The following ATE1 variants were observed in gnomAD, a reference collection of about 807,000 sequenced individuals.
ATE1 encodes arginyltransferase 1, also known as arginyl-tRNA--protein transferase 1.
In ATE1, 36 loss-of-function variants were observed where a neutral mutation model predicts 70.5. The observed-to-expected ratio is 0.51, with a 90% confidence interval of 0.39 to 0.67. The LOEUF (loss-of-function observed/expected upper bound fraction) is 0.67, where lower values mean the gene tolerates loss of function less well. Ranked by LOEUF, ATE1 falls within the 30% of genes least tolerant of loss-of-function variation. The pLI is 0.00. For missense variants in ATE1, 593 were observed against 629.5 expected (o/e 0.94, Z 0.62); for synonymous variants, 232 against 219.3 (o/e 1.06, Z -0.51).
intron 8 of ATE1, among the ~76,000 whole-genome samples, chr10:121,864,381 C>G (rs1949585535): frequency 6.6e-6 from 1 of 152,224 alleles, no homozygotes; most frequent in African/African-American, 2.4e-5. Context: ...CACAGCACAT[C>G]TGACAGGAAG....
intron 7 of ATE1, among the ~76,000 whole-genome samples, chr10:121,890,271 G>C (rs1423478544): frequency 1.3e-5 from 2 of 152,090 alleles, no homozygotes; most frequent in African/African-American, 2.4e-5. Context: ...TGTAAAATAA[G>C]CACTAAATAG....
chr10:121,789,227 G>C (rs1946332595), intron 11 of ATE1, among the ~76,000 whole-genome samples: 1 of 150,644 alleles, frequency 6.6e-6, no homozygotes, highest in African/African-American at 2.4e-5. Context: ...AATTGCCTAA[G>C]GGCATACAGT....
chr10:121,769,885 G>T (rs572863289), intron 11 of ATE1, among the ~76,000 whole-genome samples: 3 of 152,198 alleles, frequency 2.0e-5, no homozygotes, highest in Admixed American at 2.0e-4. Flanking sequence ...CATGAAAGAA[G>T]TGTTATCTTT....
chr10:121,909,949 C>A (rs1189510122), intron 5 of ATE1, among the ~76,000 whole-genome samples: 2 of 152,144 alleles, frequency 1.3e-5, no homozygotes, highest in East Asian at 3.8e-4. Flanking sequence ...GAACCTAAGG[C>A]AAGAGGATCA....
intron 11 of ATE1, among the ~76,000 whole-genome samples, chr10:121,783,912 G>GTCTT (rs1946101008): frequency 6.6e-6 from 1 of 152,068 alleles, no homozygotes; most frequent in African/African-American, 2.4e-5. Context: ...TTGAGACAGG[G>GTCTT]TCTTGCTCTC....
At chr10:121,918,377 G>A (rs887937526) in intron 3 of ATE1, among the ~76,000 whole-genome samples, 18 of 151,198 alleles carry the variant, frequency 1.2e-4, no homozygotes, top group African/African-American at 3.9e-4. Flanking sequence ...ACAAAGAGAC[G>A]CAATTCAGGA....
intron 11 of ATE1, among the ~76,000 whole-genome samples, chr10:121,744,498 C>G (rs1412537720): frequency 6.6e-6 from 1 of 152,178 alleles, no homozygotes; most frequent in Non-Finnish European, 1.5e-5. Flanking sequence ...AACTCTCCGG[C>G]ATCATTCCTG....
chr10:121,774,287 A>G lies in ATE1; in HGVS notation c.1378+15882T>C, dbSNP rs1945644326. Among the ~76,000 whole-genome samples the G allele has an allele frequency of 2.0e-5, 3 of 152,336 alleles. No individual in the cohort carries two copies. In the South Asian group the frequency reaches 6.2e-4, roughly 32 times the overall value. On this transcript the variant is annotated intron_variant, in intron 11 of 11. Transcript: ENST00000224652. The stretch of plus-strand genomic sequence containing the variant: ...TTTTAAATGATTATGCAAATTTGGT[A>G]AGCGAGTTGAAATATACTTATTTAC...
At chr10:121,766,043 A>G (rs1945266359) in intron 11 of ATE1, among the ~76,000 whole-genome samples, 1 of 152,176 alleles carries the variant, frequency 6.6e-6, no homozygotes, top group Admixed American at 6.5e-5. Flanking sequence ...CTCTTGTAAA[A>G]CTTGGTTTTC....
chr10:121,792,245 C>G (rs995446836), intron 10 of ATE1, among the ~76,000 whole-genome samples: 1 of 152,118 alleles, frequency 6.6e-6, no homozygotes, highest in African/African-American at 2.4e-5. Context: ...CTCCAAGGAA[C>G]AGGAAATGGC....
intron 5 of ATE1, among the ~76,000 whole-genome samples, chr10:121,905,760 G>T (rs529662927): frequency 6.6e-6 from 1 of 151,926 alleles, no homozygotes; most frequent in Non-Finnish European, 1.5e-5. Flanking sequence ...CAGGAGAATC[G>T]CTCAAACCCA....
chr10:121,789,107 A>C (rs1179631862), intron 11 of ATE1, among the ~76,000 whole-genome samples: 2 of 152,142 alleles, frequency 1.3e-5, no homozygotes, highest in Non-Finnish European at 2.9e-5. Flanking sequence ...AAACAGTAAT[A>C]GGGGGCTGTT....
intron 7 of ATE1, among the ~76,000 whole-genome samples, chr10:121,870,432 A>C (rs1273107217): frequency 1.3e-5 from 2 of 152,196 alleles, no homozygotes; most frequent in African/African-American, 4.8e-5. Context: ...AGAGAAGAAG[A>C]TATAAACCAA....
At chr10:121,847,942 G>A (rs371695893) in intron 8 of ATE1, among the ~76,000 whole-genome samples, 68 of 151,696 alleles carry the variant, frequency 4.5e-4, no homozygotes, top group African/African-American at 1.6e-3. Flanking sequence ...GTGGTGGCAC[G>A]TGCCTGTAAT....
intron 11 of ATE1, among the ~76,000 whole-genome samples, chr10:121,759,940 A>G (rs1944970674): frequency 1.3e-5 from 2 of 152,192 alleles, no homozygotes; most frequent in African/African-American, 2.4e-5. Flanking sequence ...CATTAATCAT[A>G]CTGAAAACAC....
intron 7 of ATE1, among the ~76,000 whole-genome samples, chr10:121,871,938 C>A (rs2134034917): frequency 6.6e-6 from 1 of 152,232 alleles, no homozygotes; most frequent in East Asian, 1.9e-4. Context: ...GTCTTGGATT[C>A]TTTCATTGCA....
chr10:121,873,214 T>C (rs1949921336), intron 7 of ATE1, among the ~76,000 whole-genome samples: 1 of 152,168 alleles, frequency 6.6e-6, no homozygotes. Context: ...ATAAAAATTC[T>C]AAATGCCAAT....
chr10:121,836,881 T>C, intron 9 of ATE1, 64 bp from the exon 10 acceptor site: 1 of 978,168 alleles, frequency 1.0e-6, no homozygotes, highest in Non-Finnish European at 1.6e-6. Context: ...CAAATATCTG[T>C]GTAATTTGAT....
At chr10:121,809,004 G>GAGTTATTTTGAAAGT (rs1947209141) in intron 10 of ATE1, among the ~76,000 whole-genome samples, 1 of 152,166 alleles carries the variant, frequency 6.6e-6, no homozygotes, top group Non-Finnish European at 1.5e-5. Context: ...TGAAAGTACT[G>GAGTTATTTTGAAAGT]ATTCACTGAG....
Sources: allele counts gnomAD v4.1 joint callset (sites outside exome capture counted in the v4.1 genomes callset), GRCh38; gene constraint gnomAD v4.1.1; transcripts MANE v1.5; gene names NCBI Gene and HGNC (gene_info 2026-07-23, HGNC 2026-07-21).